Variants in YY1AP1 observed in about 807,000 individuals in gnomAD.
YY1AP1 encodes the protein YY1-associated protein 1.
A neutral mutation model predicts 39.9 loss-of-function variants in YY1AP1; 43 were observed. The ratio of observed to expected loss-of-function variants is 1.08; its 90% confidence interval spans 0.84 to 1.39. The LOEUF (loss-of-function observed/expected upper bound fraction) is 1.39, where lower values mean the gene tolerates loss of function less well. YY1AP1 is among the 40% of genes most tolerant of loss of function. The pLI is 0.00. For missense variants in YY1AP1, 813 were observed against 900.7 expected (o/e 0.90, Z 1.25); for synonymous variants, 292 against 331.3 (o/e 0.88, Z 1.29).
At chr1:155,672,417 G>A in intron 7 of YY1AP1, 143 bp downstream of exon 7, 1 of 848,126 alleles carries the variant, frequency 1.2e-6, no homozygotes, top group Non-Finnish European at 2.0e-6. Context: ...TACAAAGGGA[G>A]GATAAAAGAG....
rs749316663 is a variant in YY1AP1 at position 155,688,219 on chromosome 1, G to A, written c.-151-18C>T. The A allele has an allele frequency of 2.5e-6, 4 of 1,613,392 alleles. No homozygotes were observed. In the African/African-American group the frequency reaches 5.3e-5, roughly 22 times the overall value. On this transcript the variant is annotated intron_variant, in intron 1 of 10. Transcript: ENST00000355499. ...TAAGCCGACTGGCGGAAATGCGAGA[G>A]AGGAGAAGGGAAAGGTGGAGGGCTA...
chr1:155,688,398 C>T (rs770337647), intron 1 of YY1AP1, 197 bp from the exon 2 acceptor site: 4 of 1,543,488 alleles, frequency 2.6e-6, no homozygotes, highest in Non-Finnish European at 3.5e-6. Flanking sequence ...AGCGACACCC[C>T]CAACCTCCCA....
In YY1AP1 at chr1:155,661,306, C is replaced by T; in HGVS notation, c.996+1G>A. On this transcript the variant is annotated splice_donor_variant, in intron 10 of 10. Coordinates refer to ENST00000355499, the MANE Select transcript of YY1AP1 (RefSeq NM_139119.3). LOFTEE classifies it high-confidence loss of function. ...ACAGACTTCGAGGAAGAGGGCTGTA[C>T]CTTTAACCAGAATGGGAGCCGGTGT... is the stretch of plus-strand genomic sequence containing the variant. 2 of 1,613,924 alleles carry T rather than the reference C, an allele frequency of 1.2e-6. No individual in the cohort carries two copies. Among genetic ancestry groups the T allele is most frequent in the Non-Finnish European group, 1.7e-6 (2 of 1,179,858 alleles).
intron 9 of YY1AP1, among the ~76,000 whole-genome samples, chr1:155,664,640 G>T (rs1648673683): frequency 6.6e-6 from 1 of 151,736 alleles, no homozygotes; most frequent in Non-Finnish European, 1.5e-5. Context: ...CAGGAGAATC[G>T]CTTGAACCCA....
At chr1:155,681,020 G>A (rs1015826369) in intron 2 of YY1AP1, among the ~76,000 whole-genome samples, 2 of 151,680 alleles carry the variant, frequency 1.3e-5, no homozygotes, top group African/African-American at 2.4e-5. Context: ...AGGAGAAAAT[G>A]TGAGCTAGAT....
At chr1:155,676,423 G>A (rs777443089) in intron 5 of YY1AP1, 125 bp downstream of exon 5, 55 of 1,148,208 alleles carry the variant, frequency 4.8e-5, no homozygotes, top group East Asian at 7.1e-5. Flanking sequence ...AAGATACTAC[G>A]GTTTTAATAC....
chr1:155,659,647 T>G lies in YY1AP1; in HGVS notation c.*10A>C, dbSNP rs769136644. ...AAGGCTCCCAGTCTCCAGACTCTTA[T>G]TCTCCTAGCTCAAAGAAATCCACTG... On this transcript the variant is annotated 3_prime_UTR_variant, in exon 11 of 11. Transcript: ENST00000355499. 6.2e-7 allele frequency: 1 copy of G among 1,614,006 alleles called. No homozygotes were observed. The highest frequency in any genetic ancestry group is 8.5e-7 in the Non-Finnish European group (1 of 1,179,932).
At chr1:155,665,303 A>G (rs1185876543) in intron 9 of YY1AP1, among the ~76,000 whole-genome samples, 2 of 151,944 alleles carry the variant, frequency 1.3e-5, no homozygotes, top group East Asian at 3.9e-4. Flanking sequence ...AAGCTACTAG[A>G]ATGTGTTCCA....
intron 5 of YY1AP1, among the ~76,000 whole-genome samples, 194 bp from the exon 6 acceptor site, chr1:155,675,290 A>G (rs1234170673): frequency 6.6e-6 from 1 of 150,998 alleles, no homozygotes; most frequent in Non-Finnish European, 1.5e-5. Flanking sequence ...CCTCCCAAGT[A>G]GCTGTGACCA....
chr1:155,662,091 C>A lies in YY1AP1; in HGVS notation c.880-668G>T, dbSNP rs76734069. Reference sequence around the variant, plus strand: ...TGTTCCTGCTCAACAGCTGCAAAGACAGCATCGTAATCTATAAAATGGACA... The same window carrying A: ...TGTTCCTGCTCAACAGCTGCAAAGAAAGCATCGTAATCTATAAAATGGACA... On this transcript the variant is annotated intron_variant, in intron 9 of 10. Coordinates refer to ENST00000355499, the MANE Select transcript of YY1AP1 (RefSeq NM_139119.3). Among the ~76,000 whole-genome samples, 119 of 151,946 alleles carry A rather than the reference C, an allele frequency of 7.8e-4. 2 individuals are homozygous for A. In the East Asian group the frequency reaches 0.02, roughly 25 times the overall value.
intron 2 of YY1AP1, 95 bp downstream of exon 2, chr1:155,687,976 A>G (rs1192632988): frequency 8.1e-6 from 11 of 1,359,698 alleles, no homozygotes; most frequent in South Asian, 7.1e-5. Context: ...CCAGAGGTCC[A>G]GGTCCGGGAG....
chr1:155,688,971 C>G, upstream of YY1AP1: 1 of 1,609,300 alleles, frequency 6.2e-7, no homozygotes. Flanking sequence ...TCGCCTCCTC[C>G]TCCATGGGAC....
Position 155,670,837 on chromosome 1 carries a change from G to C in YY1AP1, c.584-373C>G. 1.3e-5 allele frequency: 3 copies of C among 227,930 alleles called. No homozygotes were observed. In the East Asian group the frequency reaches 3.5e-4, roughly 26 times the overall value. The allele number at this position is 227,930 out of a possible 1,614,324, so 14.1% of individuals were successfully genotyped here. On this transcript the variant is annotated intron_variant, in intron 7 of 10. Transcript: ENST00000355499. ...CTACAGGCGCCTGCCACCACGCCTG[G>C]CTGATTTTTTGTATTTTTAGTAGAG... is the stretch of plus-strand genomic sequence containing the variant.
intron 6 of YY1AP1, among the ~76,000 whole-genome samples, chr1:155,673,010 C>A (rs1444544070): frequency 6.6e-6 from 1 of 152,068 alleles, no homozygotes; most frequent in African/African-American, 2.4e-5. Context: ...GGGACTATTA[C>A]TTTAATTTAA....
chr1:155,681,073 C>T (rs1367197549), intron 2 of YY1AP1, among the ~76,000 whole-genome samples: 3 of 151,420 alleles, frequency 2.0e-5, no homozygotes, highest in Non-Finnish European at 4.4e-5. Flanking sequence ...TCTTGTTGCC[C>T]AGGCTGGAGT....
intron 1 of YY1AP1, 119 bp from the exon 2 acceptor site, chr1:155,688,320 G>A (rs1379545268): frequency 6.4e-7 from 1 of 1,556,216 alleles, no homozygotes; most frequent in African/African-American, 1.4e-5. Context: ...AACCCAAAAT[G>A]GCGGCGGCAG....
rs758032734 is a variant in YY1AP1, at chr1:155,660,027, GGTA to G, written c.1880_1882del (p.Ile627_Pro628delinsThr). Reference sequence around the variant, plus strand: ...GTGGGCCTTATCTTCAGGGGTGGATGGTATAGGAAGATTCACAGAATTGCCAGA... The same window carrying G: ...GTGGGCCTTATCTTCAGGGGTGGATGTAGGAAGATTCACAGAATTGCCAGA... On this transcript the variant is annotated inframe_deletion, in exon 11 of 11. Coordinates refer to ENST00000355499, the MANE Select transcript of YY1AP1 (RefSeq NM_139119.3). 46 of 1,614,066 alleles carry G rather than the reference GGTA, an allele frequency of 2.8e-5. No individual in the cohort carries two copies. The highest frequency in any genetic ancestry group is 3.7e-5 in the Non-Finnish European group (44 of 1,180,056).
intron 1 of YY1AP1, 134 bp downstream of exon 1, chr1:155,688,525 C>CACCA: frequency 6.5e-7 from 1 of 1,544,440 alleles, no homozygotes; most frequent in Non-Finnish European, 8.7e-7. Flanking sequence ...TGGCTGCTCC[C>CACCA]ACCAACCACC....
chr1:155,684,235 C>A (rs771383185), intron 2 of YY1AP1, among the ~76,000 whole-genome samples: 4 of 151,784 alleles, frequency 2.6e-5, no homozygotes, highest in African/African-American at 9.7e-5. Flanking sequence ...GCGAGGAGAG[C>A]GAAACTCTCT....
Sources: allele counts gnomAD v4.1 joint callset (sites outside exome capture counted in the v4.1 genomes callset), GRCh38; gene constraint gnomAD v4.1.1; transcripts MANE v1.5; gene names NCBI Gene and HGNC (gene_info 2026-07-23, HGNC 2026-07-21).